The following OPCML variants were observed in gnomAD, a reference collection of about 807,000 sequenced individuals.
OPCML encodes opioid-binding protein/cell adhesion molecule.
Under a neutral mutation model 37.8 loss-of-function variants are expected in OPCML, and 13 were observed. That is an observed-to-expected ratio of 0.34 (90% CI 0.22 to 0.55). The LOEUF (loss-of-function observed/expected upper bound fraction) is 0.55, where lower values mean the gene tolerates loss of function less well. OPCML is among the 20% of genes least tolerant of loss of function. The pLI is 0.91. For synonymous variants in OPCML, 176 were observed against 168.8 expected (o/e 1.04, Z -0.33); for missense variants, 341 against 435.6 (o/e 0.78, Z 1.93).
At chr11:133,314,458 T>A (rs1242986208) in intron 1 of OPCML, among the ~76,000 whole-genome samples, 1 of 151,698 alleles carries the variant, frequency 6.6e-6, no homozygotes, top group Non-Finnish European at 1.5e-5. Flanking sequence ...TCTGTGGATA[T>A]TTTTTTGCCC....
At chr11:132,852,873 A>G (rs529893611) in intron 2 of OPCML, among the ~76,000 whole-genome samples, 2 of 151,872 alleles carry the variant, frequency 1.3e-5, no homozygotes, top group South Asian at 2.1e-4. Context: ...TTGAACTGAG[A>G]TCTTTTATTG....
At chr11:132,422,408 T>C (rs1334990584) in intron 7 of OPCML, among the ~76,000 whole-genome samples, 1 of 152,126 alleles carries the variant, frequency 6.6e-6, no homozygotes, top group African/African-American at 2.4e-5. Flanking sequence ...GTGTTTCTGG[T>C]GGTGAGCAGC....
intron 1 of OPCML, among the ~76,000 whole-genome samples, chr11:133,385,179 C>T (rs924708741): frequency 6.6e-6 from 1 of 152,238 alleles, no homozygotes; most frequent in African/African-American, 2.4e-5. Context: ...GTGGAGGGGC[C>T]GTGTGCTGAG....
chr11:133,426,917 A>G (rs1018212987), intron 1 of OPCML, among the ~76,000 whole-genome samples: 2 of 152,238 alleles, frequency 1.3e-5, no homozygotes, highest in Admixed American at 1.3e-4. Flanking sequence ...GAAAATAGGT[A>G]TATCTGTTAA....
intron 2 of OPCML, among the ~76,000 whole-genome samples, chr11:132,928,783 G>A (rs903737225): frequency 4.6e-5 from 7 of 151,898 alleles, no homozygotes; most frequent in African/African-American, 1.7e-4. Flanking sequence ...ATTCTTATTA[G>A]AATGAAATAA....
intron 1 of OPCML, among the ~76,000 whole-genome samples, chr11:133,289,931 G>A (rs895472875): frequency 1.3e-5 from 2 of 152,164 alleles, no homozygotes; most frequent in Non-Finnish European, 2.9e-5. Flanking sequence ...GGGCTGTTCT[G>A]ACCCGGCCAT....
chr11:133,416,342 A>C (rs1945764842), intron 1 of OPCML, among the ~76,000 whole-genome samples: 1 of 152,218 alleles, frequency 6.6e-6, no homozygotes, highest in Non-Finnish European at 1.5e-5. Context: ...TCTTGCAGAA[A>C]TAAAGATGTC....
chr11:132,905,061 T>G (rs931893977), intron 2 of OPCML, among the ~76,000 whole-genome samples: 8 of 152,112 alleles, frequency 5.3e-5, no homozygotes, highest in Non-Finnish European at 8.8e-5. Context: ...TGCTAAACAC[T>G]AAGAAGTCCA....
At chr11:132,957,190 C>T (rs1335493976) in intron 1 of OPCML, among the ~76,000 whole-genome samples, 2 of 152,148 alleles carry the variant, frequency 1.3e-5, no homozygotes, top group African/African-American at 4.8e-5. Flanking sequence ...CAAAATTTCC[C>T]ATGATGGCAG....
At chr11:132,473,917 G>C (rs1418383110) in intron 4 of OPCML, among the ~76,000 whole-genome samples, 2 of 152,070 alleles carry the variant, frequency 1.3e-5, no homozygotes, top group Non-Finnish European at 2.9e-5. Flanking sequence ...ACAGAACACT[G>C]TATTTGTAGA....
intron 4 of OPCML, among the ~76,000 whole-genome samples, chr11:132,498,559 T>C (rs1431626156): frequency 6.6e-6 from 1 of 152,206 alleles, no homozygotes; most frequent in Non-Finnish European, 1.5e-5. Context: ...GATGTTGGCA[T>C]TTGTCAAGAT....
intron 1 of OPCML, among the ~76,000 whole-genome samples, chr11:133,094,260 A>G (rs557430625): frequency 6.6e-6 from 1 of 152,352 alleles, no homozygotes. Context: ...GAATCACAGT[A>G]AAATATTTAA....
At chr11:133,009,598 G>T (rs1947177754) in intron 1 of OPCML, among the ~76,000 whole-genome samples, 1 of 152,212 alleles carries the variant, frequency 6.6e-6, no homozygotes, top group Admixed American at 6.5e-5. Context: ...CAAGGGACTG[G>T]TTTCATGGAA....
intron 1 of OPCML, among the ~76,000 whole-genome samples, chr11:133,404,867 A>C (rs1945492939): frequency 6.6e-6 from 1 of 152,250 alleles, no homozygotes; most frequent in Non-Finnish European, 1.5e-5. Context: ...CAGAATAATA[A>C]AATACAAACA....
intron 1 of OPCML, among the ~76,000 whole-genome samples, chr11:133,347,612 A>C (rs1055907010): frequency 6.6e-6 from 1 of 152,186 alleles, no homozygotes; most frequent in African/African-American, 2.4e-5. Flanking sequence ...TTAAGACTAA[A>C]GATGAAAACC....
At chr11:133,360,222 C>T (rs1210812457) in intron 1 of OPCML, 1 of 152,236 alleles carries the variant, frequency 6.6e-6, no homozygotes, top group Non-Finnish European at 1.5e-5. Flanking sequence ...TAGAAGTTAG[C>T]AGAGCAGAGA....
intron 3 of OPCML, among the ~76,000 whole-genome samples, chr11:132,641,309 C>G (rs988610667): frequency 4.6e-5 from 7 of 152,168 alleles, no homozygotes; most frequent in African/African-American, 1.2e-4. Context: ...CACTGAGAGG[C>G]CCTTCCACGC....
intron 1 of OPCML, among the ~76,000 whole-genome samples, chr11:133,469,078 T>C (rs1324663122): frequency 6.6e-6 from 1 of 152,130 alleles, no homozygotes; most frequent in Non-Finnish European, 1.5e-5. Context: ...CAATAGAGAA[T>C]CAGATCTGCT....
rs1375068894 is a variant in OPCML, at chr11:132,452,553, CT to C, written c.506-15195del. Among the ~76,000 whole-genome samples the C allele has an allele frequency of 2.4e-4, 36 of 150,330 alleles. No homozygotes were observed. In the East Asian group the frequency reaches 4.8e-3, roughly 20 times the overall value. Reference sequence around the variant, plus strand: ...TCAGCCTGCCTGCCTGCCTGCCTTCCTTTTTTCCTTCCTTCCTGCCTGCCTT... The same window carrying C: ...TCAGCCTGCCTGCCTGCCTGCCTTCCTTTTTCCTTCCTTCCTGCCTGCCTT... On this transcript the variant is annotated intron_variant, in intron 4 of 7. Transcript: ENST00000524381.
Sources: gnomAD v4.1 joint callset for allele counts (sites outside exome capture counted in the v4.1 genomes callset) on GRCh38, gnomAD v4.1.1 for gene constraint, MANE v1.5 for transcripts, NCBI Gene and HGNC (gene_info 2026-07-23, HGNC 2026-07-21) for gene names.